Variants in PPP1R9B observed in about 807,000 individuals in gnomAD.
PPP1R9B encodes neurabin-2.
PPP1R9B carries 17 observed loss-of-function variants against 75.8 expected under a neutral mutation model. That is an observed-to-expected ratio of 0.22 (90% confidence interval 0.15 to 0.34). The LOEUF is 0.34. Ranked by LOEUF, PPP1R9B falls within the 10% of genes least tolerant of loss-of-function variation. The pLI, the probability that PPP1R9B is intolerant of heterozygous loss-of-function variation, is 1.00. For missense variants in PPP1R9B, 875 were observed against 1,196.0 expected (o/e 0.73, Z 3.96); for synonymous variants, 509 against 535.4 (o/e 0.95, Z 0.68).
At position 50,149,829 on chromosome 17, in the gene PPP1R9B, C is replaced by A. The variant is rs770969871; in HGVS notation, c.685G>T (p.Gly229Trp). The A allele has an allele frequency of 6.9e-6, 10 of 1,459,762 alleles. 1 individual carries two copies. In the South Asian group the frequency reaches 1.3e-4, roughly 19 times the overall value. The allele number at this position is 1,459,762 out of a possible 1,614,324, so 90.4% of individuals were successfully genotyped here. The change falls in exon 1 of 10, where the codon GGG (glycine) becomes TGG (tryptophan). Residue 229 changes from glycine to tryptophan, a missense_variant. Gly to Trp is a radical substitution (Grantham distance 184, BLOSUM62 -2). Transcript: ENST00000612501. This position sits in a 1 kb window ranked among gnomAD's most constrained non-coding sequence, Gnocchi z 7.2. Reference protein sequence around the residue: ...DSRTGLHRGPGLPRAAGVPQV... With the variant: ...DSRTGLHRGPWLPRAAGVPQV... ...GGAACCCCTGCGGCCCTGGGGAGCC[C>A]GGGCCCGCGGTGGAGGCCGGTCCTC...
In PPP1R9B at chr17:50,140,069, G is replaced by T. The variant is rs559649120; in HGVS notation, c.1866+24C>A. The T allele has an allele frequency of 1.1e-5, 17 of 1,610,338 alleles. No individual in the cohort carries two copies. In the African/African-American group the frequency reaches 2.3e-4, roughly 21 times the overall value. Reference sequence around the variant, plus strand: ...CTAGCCACCAGGGGGCGACCACGCGGCCAGCCAGGCAGGGACTCCCTACCT... The same window carrying T: ...CTAGCCACCAGGGGGCGACCACGCGTCCAGCCAGGCAGGGACTCCCTACCT... On this transcript the variant is annotated intron_variant, in intron 5 of 9. Transcript: ENST00000612501.
chr17:50,141,259 G>A lies in PPP1R9B; in HGVS notation c.1730+10C>T. The A allele has an allele frequency of 1.3e-6, 2 of 1,558,812 alleles. No homozygotes were observed. Among genetic ancestry groups the A allele is most frequent in the Admixed American group, 1.9e-5 (1 of 53,814 alleles). On this transcript the variant is annotated intron_variant, in intron 4 of 9. Transcript: ENST00000612501. ...GCCCGCTCCCACGCCCCACCCCTCT[G>A]GGCTCTCACCGCACTCGGCCCTTGG... is the stretch of plus-strand genomic sequence containing the variant.
At chr17:50,141,223 G>A (rs780047051) in intron 4 of PPP1R9B, 46 bp downstream of exon 4, 9 of 1,299,276 alleles carry the variant, frequency 6.9e-6, no homozygotes, top group South Asian at 3.8e-5. Context: ...GTGCCTGGAC[G>A]AGGACCTCCT....
chr17:50,149,575 C>T lies in PPP1R9B; in HGVS notation c.939G>A (p.Ser313=). ...CGGCCTGGATCACCTCCCCGGGCGC[C>T]GACTCGGCCTCCGACTCCCCGCTCT... ...VEESGESEAE[S]APGEVIQAEV... Residue 313 remains serine (S), a synonymous_variant, in exon 1 of 10, where the codon TCG becomes TCA. Coordinates refer to ENST00000612501, the MANE Select transcript of PPP1R9B (RefSeq NM_032595.5). This position sits in a 1 kb window ranked among gnomAD's most constrained non-coding sequence, Gnocchi z 7.2. The T allele has an allele frequency of 6.3e-7, 1 of 1,579,490 alleles. No individual in the cohort carries two copies.
Position 50,141,364 on chromosome 17 carries a change from C to A in PPP1R9B, c.1635G>T (p.Val545=), listed in dbSNP as rs762807582. The A allele has an allele frequency of 6.3e-7, 1 of 1,582,062 alleles. No individual in the cohort carries two copies. The highest frequency in any genetic ancestry group is 1.8e-5 in the Admixed American group (1 of 56,462). ...CATCCACCTCCACCAGGAGATCATT[C>A]ACCTGGATCCTAGCGGAGTGACATT... The part of the protein sequence containing the change: ...GAAHRDGRIQ[V]NDLLVEVDGT... Residue 545 remains valine, a synonymous_variant, in exon 4 of 10, where the codon GTG becomes GTT. Transcript: ENST00000612501.
rs774050920 is a variant in PPP1R9B at position 50,139,218 on chromosome 17, C to T, written c.2073+45G>A. 6 of 1,611,530 alleles carry T rather than the reference C, an allele frequency of 3.7e-6. No individual in the cohort carries two copies. Among genetic ancestry groups the T allele is most frequent in the Non-Finnish European group, 5.1e-6 (6 of 1,177,608 alleles). The stretch of plus-strand genomic sequence containing the variant: ...AGGGTAGGGGGACCCTGCTCCTCAA[C>T]ACACACATGCACGCACGCAAAAGCA... On this transcript the variant is annotated intron_variant, in intron 7 of 9. Coordinates refer to ENST00000612501, the MANE Select transcript of PPP1R9B (RefSeq NM_032595.5). The surrounding 1 kb of genome is among the most constrained non-coding windows in gnomAD (Gnocchi z 5.0).
Position 50,136,156 on chromosome 17 carries a change from C to A in PPP1R9B, c.2115G>T (p.Glu705Asp). ...CCACACTCTGCTCCAACTGCGCCTT[C>A]TCCACCCGCCAGCGCCCCTTCTCCT... is the stretch of plus-strand genomic sequence containing the variant. The part of the protein sequence containing the change: ...LEQEKGRWRV[E>D]KAQLEQSVEE... The change falls in exon 8 of 10, where the codon GAG becomes GAT. Residue 705 changes from glutamate to aspartate, a missense_variant. Around this residue, in one of 4 missense-constraint regions of PPP1R9B, gnomAD observed 218 missense variants for 334.6 expected, o/e 0.65. Transcript: ENST00000612501. 6.2e-7 allele frequency: 1 copy of A among 1,603,628 alleles called. No homozygotes were observed.
intron 5 of PPP1R9B, 76 bp downstream of exon 5, chr17:50,140,017 T>C (rs1912328348): frequency 4.6e-6 from 7 of 1,514,958 alleles, no homozygotes; most frequent in African/African-American, 1.4e-5. Context: ...GGGGAAGCAG[T>C]AGAGGCAGAT....
intron 4 of PPP1R9B, among the ~76,000 whole-genome samples, chr17:50,140,558 G>T (rs2144445645): frequency 6.6e-6 from 1 of 152,314 alleles, no homozygotes; most frequent in South Asian, 2.1e-4. Context: ...AGGGAAAGGT[G>T]AAGATGACCC....
chr17:50,135,981 C>A lies in PPP1R9B; in HGVS notation c.2290G>T (p.Asp764Tyr), dbSNP rs1428238557. 2 of 1,515,288 alleles carry A rather than the reference C, an allele frequency of 1.3e-6. No homozygotes were observed. The highest frequency in any genetic ancestry group is 1.9e-5 in the Admixed American group (1 of 53,020). The allele number at this position is 1,515,288 out of a possible 1,614,324, so 93.9% of individuals were successfully genotyped here. Reference protein sequence around the residue: ...KYSKAKRLIKDYQQKEIEFLK... With the variant: ...KYSKAKRLIKYYQQKEIEFLK... ...CCAGCCACGTACTTCTGCTGGTAGT[C>A]CTTGATGAGGCGCTTGGCCTTGCTG... Residue 764 changes from aspartate (D) to tyrosine (Y), a missense_variant, in exon 8 of 10, where the codon GAC becomes TAC. Physicochemically the swap from Asp to Tyr is radical, Grantham distance 160. Coordinates refer to ENST00000612501, the MANE Select transcript of PPP1R9B (RefSeq NM_032595.5).
chr17:50,135,169 G>A lies in PPP1R9B; in HGVS notation c.*162C>T. On this transcript the variant is annotated 3_prime_UTR_variant, in exon 10 of 10. Transcript: ENST00000612501. ...GCCATCTTAAGGGGGCCTGTGATATGAGCCCTCTGGTCCCTGAAGCTGGGG... is the reference window on the plus strand; with the variant it reads ...GCCATCTTAAGGGGGCCTGTGATATAAGCCCTCTGGTCCCTGAAGCTGGGG... 3.2e-6 allele frequency: 2 copies of A among 626,578 alleles called. No individual in the cohort carries two copies. Among genetic ancestry groups the A allele is most frequent in the Non-Finnish European group, 5.7e-6 (2 of 349,308 alleles). 38.8% of individuals were successfully genotyped at this position (626,578 alleles called of 1,614,324 possible).
chr17:50,139,652 G>T lies in PPP1R9B; in HGVS notation c.1867-71C>A. The T allele has an allele frequency of 6.7e-7, 1 of 1,488,994 alleles. No homozygotes were observed. The highest frequency in any genetic ancestry group is 9.0e-7 in the Non-Finnish European group (1 of 1,115,146). 92.2% of individuals were successfully genotyped at this position (1,488,994 alleles called of 1,614,324 possible). A position where few individuals can be genotyped will look rare whatever the true frequency, so the allele number is the denominator to read the frequency against. On this transcript the variant is annotated intron_variant, in intron 5 of 9. Coordinates refer to ENST00000612501, the MANE Select transcript of PPP1R9B (RefSeq NM_032595.5). This position sits in a 1 kb window ranked among gnomAD's most constrained non-coding sequence, Gnocchi z 5.0. ...CCTCAGCCCTGATGACCAGGGCTGG[G>T]ACCAGTTGCCCATGCCAGACAGAGA... is the stretch of plus-strand genomic sequence containing the variant.
intron 8 of PPP1R9B, 91 bp from the exon 9 acceptor site, chr17:50,135,740 C>A: frequency 8.6e-7 from 1 of 1,167,772 alleles, no homozygotes; most frequent in South Asian, 1.4e-5. Flanking sequence ...ACCTGGGCAA[C>A]TCTGTCCTTC....
chr17:50,145,616 C>T (rs545029806), intron 1 of PPP1R9B, among the ~76,000 whole-genome samples: 4 of 152,024 alleles, frequency 2.6e-5, no homozygotes, highest in Non-Finnish European at 5.9e-5. Context: ...GAGAGCCAGA[C>T]AGGCGAGAGG....
At position 50,140,214 on chromosome 17, in the gene PPP1R9B, C is replaced by T. The variant is rs1912337873; in HGVS notation, c.1745G>A (p.Arg582Gln). 6.3e-7 allele frequency: 1 copy of T among 1,599,632 alleles called. No homozygotes were observed. Among genetic ancestry groups the T allele is most frequent in the Non-Finnish European group, 8.5e-7 (1 of 1,173,408 alleles). ...TTCGCTCTGCTCTCCCGGCCGCTCCCGGCCAATCATAAACCTGCAGGGGCA... is the reference window on the plus strand; with the variant it reads ...TTCGCTCTGCTCTCCCGGCCGCTCCTGGCCAATCATAAACCTGCAGGGGCA... ...TKGRVRFMIG[R>Q]ERPGEQSEVA... The change falls in exon 5 of 10, where the codon CGG becomes CAG. Residue 582 changes from arginine to glutamine, a missense_variant. By Grantham distance (43) the Arg-to-Gln change is conservative. This residue lies in a region of PPP1R9B where 218 missense variants were observed against 334.6 expected (regional missense o/e 0.65). Coordinates refer to ENST00000612501, the MANE Select transcript of PPP1R9B (RefSeq NM_032595.5).
rs546249449 is a variant in PPP1R9B at position 50,149,006 on chromosome 17, G to C, written c.1371+137C>G. On this transcript the variant is annotated intron_variant, in intron 1 of 9. Coordinates refer to ENST00000612501, the MANE Select transcript of PPP1R9B (RefSeq NM_032595.5). The surrounding 1 kb of genome is among the most constrained non-coding windows in gnomAD (Gnocchi z 7.2). The stretch of plus-strand genomic sequence containing the variant: ...GGAACTCCCCCACGCCCCCCTGAGG[G>C]TGGGAACTTCTGGGAAGGGGGCTGG... 2.0e-5 allele frequency: 12 copies of C among 590,452 alleles called. No individual in the cohort carries two copies. The highest frequency in any genetic ancestry group is 3.3e-5 in the Non-Finnish European group (12 of 366,336). 36.6% of individuals were successfully genotyped at this position (590,452 alleles called of 1,614,324 possible).
rs1358319687 is a variant in PPP1R9B at position 50,135,480 on chromosome 17, C to T, written c.2400+73G>A. The T allele has an allele frequency of 7.6e-6, 12 of 1,578,184 alleles. No individual in the cohort carries two copies. The East Asian group carries it at 2.7e-4, about 35-fold the overall frequency. On this transcript the variant is annotated intron_variant, in intron 9 of 9. Transcript: ENST00000612501. ...GTGAGGACATGGCATCCCCTCCCTC[C>T]AGGACCCACAGGGTAGGGGCTTCAA...
chr17:50,141,341 T>C lies in PPP1R9B; in HGVS notation c.1658A>G (p.Asp553Gly). ...GGTCACTCCCACCAGACTTGTTCCA[T>C]CCACCTCCACCAGGAGATCATTCAC... Reference protein sequence around the residue: ...IQVNDLLVEVDGTSLVGVTQS... With the variant: ...IQVNDLLVEVGGTSLVGVTQS... Residue 553 changes from aspartate (D) to glycine (G), a missense_variant, in exon 4 of 10, where the codon GAT (aspartate) becomes GGT (glycine). Physicochemically the swap from Asp to Gly is moderately conservative, Grantham distance 94. This residue lies in a region of PPP1R9B where 63 missense variants were observed against 160.2 expected (regional missense o/e 0.39). Coordinates refer to ENST00000612501, the MANE Select transcript of PPP1R9B (RefSeq NM_032595.5). 1 of 1,591,186 alleles carries C rather than the reference T, an allele frequency of 6.3e-7. No homozygotes were observed. The highest frequency in any genetic ancestry group is 8.6e-7 in the Non-Finnish European group (1 of 1,169,484).
intron 7 of PPP1R9B, 85 bp from the exon 8 acceptor site, chr17:50,136,282 G>T: frequency 8.7e-7 from 1 of 1,146,008 alleles, no homozygotes; most frequent in Non-Finnish European, 1.2e-6. Context: ...GGCCAGAGTC[G>T]CCAGGGGATT....
Sources: gnomAD v4.1 joint callset for allele counts (sites outside exome capture counted in the v4.1 genomes callset) on GRCh38, gnomAD v4.1.1 for gene constraint, gnomAD v4.1.1 regional missense constraint, Gnocchi (gnomAD v3.1) non-coding constraint, MANE v1.5 for transcripts, NCBI Gene and HGNC (gene_info 2026-07-23, HGNC 2026-07-21) for gene names.